Variants in NBAS observed in about 807,000 individuals in gnomAD.
The protein encoded by NBAS is NBAS subunit of NRZ tethering complex, also known as NAG/BC035112 fusion.
A neutral mutation model predicts 302.5 loss-of-function variants in NBAS; 219 were observed. The observed-to-expected ratio is 0.72, with a 90% confidence interval of 0.65 to 0.81. The LOEUF is 0.81. Ranked by LOEUF, NBAS falls within the 30% of genes least tolerant of loss-of-function variation. The pLI is 0.00. For missense variants in NBAS, 2,932 were observed against 2,841.6 expected, an observed-to-expected ratio of 1.03 and a Z score of -0.72; for synonymous variants, 1,118 against 1,021.6, an observed-to-expected ratio of 1.09 and a Z score of -1.80.
At chr2:14,841,964 C>G in the NBAS span, among the ~76,000 whole-genome samples, 4 of 151,298 alleles carry the variant, frequency 2.6e-5, no homozygotes, top group East Asian at 7.7e-4. Flanking sequence ...TCAAACAATT[C>G]AAAAAAAATA....
the NBAS span, among the ~76,000 whole-genome samples, chr2:15,004,906 A>G: frequency 6.6e-6 from 1 of 152,074 alleles, no homozygotes. Flanking sequence ...TATATTTTCA[A>G]TAGTAAAATT....
intron 42 of NBAS, among the ~76,000 whole-genome samples, chr2:15,283,471 TA>T (rs1221945013): frequency 3.3e-5 from 5 of 152,096 alleles, no homozygotes; most frequent in African/African-American, 1.2e-4. Context: ...GATGGTTGTA[TA>T]AGGGGCTTTT....
At chr2:15,073,512 G>A in the NBAS span, among the ~76,000 whole-genome samples, 4 of 150,016 alleles carry the variant, frequency 2.7e-5, no homozygotes, top group Admixed American at 2.0e-4. Flanking sequence ...AACAATACCA[G>A]TACAGGGGAA....
rs182278694 is a variant in NBAS at position 15,257,019 on chromosome 2, G to A, written c.5725-18333C>T. ...TATTGGTCCATAGCTTTCCCTTTTTGTTACATCTTTCCTGGTTTTGGTATT... is the reference window on the plus strand; with the variant it reads ...TATTGGTCCATAGCTTTCCCTTTTTATTACATCTTTCCTGGTTTTGGTATT... On this transcript the variant is annotated intron_variant, in intron 44 of 51. Transcript: ENST00000281513. Among the ~76,000 whole-genome samples the A allele has an allele frequency of 9.5e-4, 145 of 152,104 alleles. 2 individuals carry two copies. Among genetic ancestry groups the A allele is most frequent in the Admixed American group, 9.4e-3 (144 of 15,270 alleles).
At chr2:15,002,273 C>T in the NBAS span, among the ~76,000 whole-genome samples, 56,619 of 151,706 alleles carry the variant, frequency 0.37, 11,286 homozygotes, top group Non-Finnish European at 0.41. Context: ...ATCCCTGAGC[C>T]AGACATAAAG....
the NBAS span, among the ~76,000 whole-genome samples, chr2:14,849,989 G>A: frequency 1.4e-5 from 2 of 139,126 alleles, 1 homozygote; most frequent in African/African-American, 6.5e-5. Flanking sequence ...CCAAAATGTA[G>A]ACAATCGAGA....
At chr2:15,042,876 A>G in the NBAS span, among the ~76,000 whole-genome samples, 2 of 152,222 alleles carry the variant, frequency 1.3e-5, no homozygotes, top group Admixed American at 6.5e-5. Context: ...CAGCTAGTAT[A>G]TATTTCAGAC....
the NBAS span, among the ~76,000 whole-genome samples, chr2:14,998,198 A>G: frequency 6.6e-6 from 1 of 152,220 alleles, no homozygotes. Context: ...CAAACACGAT[A>G]GTGCACTAGG....
chr2:14,897,602 T>A, the NBAS span, among the ~76,000 whole-genome samples: 4 of 151,112 alleles, frequency 2.6e-5, no homozygotes, highest in Admixed American at 1.3e-4. Context: ...GAAATGTGTT[T>A]CTACATTTGG....
At chr2:15,073,997 A>G in the NBAS span, among the ~76,000 whole-genome samples, 3 of 152,326 alleles carry the variant, frequency 2.0e-5, no homozygotes, top group Admixed American at 6.5e-5. Context: ...TGGATAAAAC[A>G]CTAGGAAAAT....
At chr2:14,918,755 T>A in the NBAS span, among the ~76,000 whole-genome samples, 40,838 of 151,320 alleles carry the variant, frequency 0.27, 5,523 homozygotes, top group African/African-American at 0.33. Context: ...ATGGCTGCAG[T>A]GGGAAACAGG....
At chr2:14,885,857 G>A in the NBAS span, among the ~76,000 whole-genome samples, 129 of 152,262 alleles carry the variant, frequency 8.5e-4, no homozygotes, top group Non-Finnish European at 1.2e-3. Flanking sequence ...ACAAAGGTGC[G>A]CCTGTTAGAT....
At chr2:14,902,778 G>C in the NBAS span, among the ~76,000 whole-genome samples, 6 of 152,312 alleles carry the variant, frequency 3.9e-5, 1 homozygote, top group South Asian at 1.2e-3. Context: ...ACTGGAATTG[G>C]TAGGTAATTA....
the NBAS span, among the ~76,000 whole-genome samples, chr2:14,876,148 A>G: frequency 2.2e-4 from 33 of 152,290 alleles, no homozygotes; most frequent in Non-Finnish European, 8.8e-5. Context: ...CATTTTATTT[A>G]TTATCACTGT....
rs1304591073 is a variant in NBAS at position 15,459,265 on chromosome 2, TA to T, written c.2339+1935del. On this transcript the variant is annotated intron_variant, in intron 21 of 51. Transcript: ENST00000281513. ...TCCAAATCGAAGGAGAAACTGCCTT[TA>T]AAAAAACCGTTAAGAGACAGTAGCC... Among the ~76,000 whole-genome samples, 5 of 152,152 alleles carry T rather than the reference TA, an allele frequency of 3.3e-5. No individual in the cohort carries two copies. In the East Asian group the frequency reaches 9.6e-4, roughly 29 times the overall value.
At chr2:15,364,642 G>A (rs555064835) in intron 32 of NBAS, among the ~76,000 whole-genome samples, 82 of 152,274 alleles carry the variant, frequency 5.4e-4, no homozygotes, top group Non-Finnish European at 1.1e-3. Context: ...ACCATCAAAT[G>A]GAAAAAGTAC....
the NBAS span, among the ~76,000 whole-genome samples, chr2:14,881,170 G>A: frequency 0.06 from 9,059 of 152,112 alleles, 901 homozygotes; most frequent in African/African-American, 0.21. Flanking sequence ...AAATAATGAA[G>A]TCATATCCTT....
chr2:15,251,819 G>A (rs549227822), intron 44 of NBAS, among the ~76,000 whole-genome samples: 5 of 152,208 alleles, frequency 3.3e-5, no homozygotes, highest in South Asian at 2.1e-4. Flanking sequence ...ATCTTGTGCC[G>A]ACTTCCTGTC....
At chr2:14,847,382 TA>T in the NBAS span, among the ~76,000 whole-genome samples, 2,478 of 53,050 alleles carry the variant, frequency 0.047, 65 homozygotes, top group African/African-American at 0.1. Context: ...GACTCTATCT[TA>T]AAAAAAAAAA....
Sources: allele counts gnomAD v4.1 joint callset (sites outside exome capture counted in the v4.1 genomes callset), GRCh38; gene constraint gnomAD v4.1.1; transcripts MANE v1.5; gene names NCBI Gene and HGNC (gene_info 2026-07-23, HGNC 2026-07-21).